The following TTC29 variants were observed in gnomAD, a reference collection of about 807,000 sequenced individuals.
TTC29 encodes tetratricopeptide repeat domain 29, also known as tetratricopeptide repeat protein 29.
Under a neutral mutation model 58.1 loss-of-function variants are expected in TTC29, and 49 were observed. The observed-to-expected ratio is 0.84, with a 90% CI of 0.67 to 1.07. The LOEUF (loss-of-function observed/expected upper bound fraction) is 1.07. Ranked by LOEUF, TTC29 falls within the 50% of genes least tolerant of loss-of-function variation. The probability of loss-of-function intolerance (pLI) is 0.00; values close to 1 mark genes in which losing one functional copy is unlikely to be tolerated. For synonymous variants in TTC29, 209 were observed against 196.8 expected, an observed-to-expected ratio of 1.06 and a Z score of -0.52; for missense variants, 582 against 555.6, an observed-to-expected ratio of 1.05 and a Z score of -0.48.
intron 7 of TTC29, among the ~76,000 whole-genome samples, chr4:146,870,715 A>G (rs1426975101): frequency 6.6e-6 from 1 of 152,002 alleles, no homozygotes; most frequent in Non-Finnish European, 1.5e-5. Context: ...GTGGACAATT[A>G]CATACTAACA....
chr4:146,749,330 T>C (rs546634833), intron 11 of TTC29, among the ~76,000 whole-genome samples: 3 of 151,480 alleles, frequency 2.0e-5, no homozygotes, highest in African/African-American at 7.3e-5. Flanking sequence ...TAAAAAGATA[T>C]AAAAAGAACA....
At chr4:146,934,803 G>GA (rs1343921216) in intron 4 of TTC29, among the ~76,000 whole-genome samples, 1 of 152,154 alleles carries the variant, frequency 6.6e-6, no homozygotes, top group East Asian at 1.9e-4. Flanking sequence ...CAAATGCTGT[G>GA]AAGACATCTA....
At chr4:146,897,089 T>C (rs1023881932) in intron 6 of TTC29, among the ~76,000 whole-genome samples, 1 of 152,134 alleles carries the variant, frequency 6.6e-6, no homozygotes, top group Non-Finnish European at 1.5e-5. Context: ...AGTCTCCCCT[T>C]GGTTCTAGTC....
chr4:146,817,165 T>C (rs1185820237), intron 10 of TTC29, among the ~76,000 whole-genome samples: 1 of 152,294 alleles, frequency 6.6e-6, no homozygotes, highest in Non-Finnish European at 1.5e-5. Context: ...GACGACATGA[T>C]TGTATACCTA....
At chr4:146,927,370 T>A (rs1735011784) in intron 4 of TTC29, among the ~76,000 whole-genome samples, 1 of 152,126 alleles carries the variant, frequency 6.6e-6, no homozygotes, top group African/African-American at 2.4e-5. Context: ...GAGAGTATGG[T>A]TTAAAAATTC....
intron 11 of TTC29, among the ~76,000 whole-genome samples, chr4:146,755,771 T>C (rs1746394505): frequency 6.6e-6 from 1 of 152,046 alleles, no homozygotes; most frequent in Non-Finnish European, 1.5e-5. Flanking sequence ...AAAATACTCT[T>C]TAAAAAATTA....
At position 146,777,198 on chromosome 4, in the gene TTC29, C is replaced by T. The variant is rs184231620; in HGVS notation, c.1330+26259G>A. ...TCTGAGGCGGAAGATATTAGGTTCG[C>T]GCACAAGTAATGGGAAAAACCGCAA... is the stretch of plus-strand genomic sequence containing the variant. On this transcript the variant is annotated intron_variant, in intron 11 of 12. Coordinates refer to ENST00000325106, the MANE Select transcript of TTC29 (RefSeq NM_031956.4). 1.4e-4 allele frequency among the ~76,000 whole-genome samples: 22 copies of T among 152,258 alleles called. No homozygotes were observed. In the East Asian group the frequency reaches 3.1e-3, roughly 21 times the overall value.
intron 8 of TTC29, among the ~76,000 whole-genome samples, chr4:146,862,369 G>A (rs112799837): frequency 6.6e-6 from 1 of 151,888 alleles, no homozygotes; most frequent in Non-Finnish European, 1.5e-5. Flanking sequence ...CATCACAGAA[G>A]ACCCTGCAGA....
chr4:146,913,120 G>T (rs1734000845), intron 4 of TTC29, among the ~76,000 whole-genome samples: 1 of 152,094 alleles, frequency 6.6e-6, no homozygotes, highest in Non-Finnish European at 1.5e-5. Context: ...GAGGACAAGG[G>T]GTTGTAATCT....
At chr4:146,786,429 T>G (rs1374051978) in intron 11 of TTC29, among the ~76,000 whole-genome samples, 2 of 152,204 alleles carry the variant, frequency 1.3e-5, no homozygotes, top group East Asian at 3.8e-4. Flanking sequence ...GGATGTCACA[T>G]CACTTGTTTT....
At chr4:146,740,899 T>C (rs1160352671) in intron 11 of TTC29, among the ~76,000 whole-genome samples, 1 of 151,996 alleles carries the variant, frequency 6.6e-6, no homozygotes, top group Non-Finnish European at 1.5e-5. Flanking sequence ...GACTGGCTAA[T>C]TTTTAAAAAA....
chr4:146,918,628 T>C (rs543758557), intron 4 of TTC29, among the ~76,000 whole-genome samples: 1 of 151,306 alleles, frequency 6.6e-6, no homozygotes, highest in Admixed American at 6.6e-5. Flanking sequence ...TAGCAAATAG[T>C]ACAGGACTAT....
At chr4:146,925,101 T>C (rs58118389) in intron 4 of TTC29, among the ~76,000 whole-genome samples, 11,393 of 152,106 alleles carry the variant, frequency 0.075, 1,453 homozygotes, top group African/African-American at 0.26. Flanking sequence ...TGTTTAAACA[T>C]GTTAAAATTT....
rs70958529 is a variant in TTC29, at chr4:146,798,886, CAAAAAAAAAAAAAAAAA to C, written c.1330+4554_1330+4570del. On this transcript the variant is annotated intron_variant, in intron 11 of 12. Transcript: ENST00000325106. ...TGGGTGACAGAGCCAGACTCCGTCT[CAAAAAAAAAAAAAAAAA>C]AAAAAAAAAAGACTACAAAATACCA... 3.3e-4 allele frequency among the ~76,000 whole-genome samples: 6 copies of C among 18,272 alleles called. 1 individual carries two copies. The East Asian group carries it at 8.9e-3, about 27-fold the overall frequency. The allele number at this position is 18,272 out of a possible 152,430, so 12.0% of individuals were successfully genotyped here.
At chr4:146,813,214 T>C (rs538684351) in intron 10 of TTC29, among the ~76,000 whole-genome samples, 5 of 152,368 alleles carry the variant, frequency 3.3e-5, no homozygotes, top group African/African-American at 1.2e-4. Context: ...AATCATTTCC[T>C]ACCCATTTTC....
chr4:146,876,170 T>G (rs781565623), intron 6 of TTC29, among the ~76,000 whole-genome samples: 1 of 152,228 alleles, frequency 6.6e-6, no homozygotes, highest in Non-Finnish European at 1.5e-5. Context: ...AGGATTACTG[T>G]GTAACTTTTT....
chr4:146,802,736 T>TA (rs1385556164), intron 11 of TTC29, among the ~76,000 whole-genome samples: 1 of 152,226 alleles, frequency 6.6e-6, no homozygotes, highest in Non-Finnish European at 1.5e-5. Context: ...TATTTTACTT[T>TA]AAAAAGTTTG....
At chr4:146,930,120 C>CACATATATATATATATATATAT (rs1560730099) in intron 4 of TTC29, among the ~76,000 whole-genome samples, 906 of 44,496 alleles carry the variant, frequency 0.02, 16 homozygotes, top group African/African-American at 0.042. Flanking sequence ...TATATATATA[C>CACATATATATATATATATATAT]ACACATATAT....
intron 8 of TTC29, among the ~76,000 whole-genome samples, chr4:146,848,753 C>G (rs962157562): frequency 6.6e-6 from 1 of 152,188 alleles, no homozygotes; most frequent in African/African-American, 2.4e-5. Flanking sequence ...TTCCTTAGCC[C>G]TGCCATTCTC....
Sources: gnomAD v4.1 joint callset for allele counts (sites outside exome capture counted in the v4.1 genomes callset) on GRCh38, gnomAD v4.1.1 for gene constraint, MANE v1.5 for transcripts, NCBI Gene and HGNC (gene_info 2026-07-23, HGNC 2026-07-21) for gene names.